The following PBX4 variants were observed in gnomAD, a reference collection of about 807,000 sequenced individuals.
PBX4 encodes the protein PBX homeobox 4, also known as pre-B-cell leukemia transcription factor 4.
A neutral mutation model predicts 35.1 loss-of-function variants in PBX4; 26 were observed. That is an observed-to-expected ratio of 0.74 (90% confidence interval 0.54 to 1.03). PBX4 has a LOEUF of 1.03. Ranked by LOEUF, PBX4 falls within the 50% of genes least tolerant of loss-of-function variation. The pLI, the probability that PBX4 is intolerant of heterozygous loss-of-function variation, is 0.00. For synonymous variants in PBX4, 199 were observed against 204.2 expected, an observed-to-expected ratio of 0.97 and a Z score of 0.22; for missense variants, 448 against 504.3, an observed-to-expected ratio of 0.89 and a Z score of 1.07.
chr19:19,583,124 C>T (rs958940274), intron 2 of PBX4, among the ~76,000 whole-genome samples: 7 of 151,964 alleles, frequency 4.6e-5, no homozygotes, highest in African/African-American at 1.7e-4. Flanking sequence ...TCAAGACCAA[C>T]CTGACCAACA....
chr19:19,606,403 T>C (rs1018828913), intron 1 of PBX4: 2 of 152,224 alleles, frequency 1.3e-5, no homozygotes, highest in African/African-American at 4.8e-5. Context: ...CCATCAACCA[T>C]GCGACACTGG....
At chr19:19,592,102 C>T (rs191070222) in intron 2 of PBX4, among the ~76,000 whole-genome samples, 2 of 151,970 alleles carry the variant, frequency 1.3e-5, no homozygotes, top group African/African-American at 4.8e-5. Context: ...AGGCTGGTCT[C>T]GAACTCCTGA....
rs529891475 is a variant in PBX4, at chr19:19,570,411, CG to C, written c.442-113del. 4.6e-4 allele frequency: 663 copies of C among 1,431,668 alleles called. 11 individuals carry two copies. The South Asian group carries it at 8.5e-3, about 18-fold the overall frequency. The allele number at this position is 1,431,668 out of a possible 1,614,324, so 88.7% of individuals were successfully genotyped here. On this transcript the variant is annotated intron_variant, in intron 3 of 7. Coordinates refer to ENST00000251203, the MANE Select transcript of PBX4 (RefSeq NM_025245.3). Reference sequence around the variant, plus strand: ...CCACCCCCTGTAGTTCACACACCGGCGGGTGACTGTTAAGTAAATGGAAAGG... The same window carrying C: ...CCACCCCCTGTAGTTCACACACCGGCGGTGACTGTTAAGTAAATGGAAAGG...
chr19:19,613,631 T>A (rs2061674407), intron 1 of PBX4, among the ~76,000 whole-genome samples: 1 of 152,110 alleles, frequency 6.6e-6, no homozygotes, highest in African/African-American at 2.4e-5. Context: ...AATATCCCGG[T>A]CTGGAAAGTA....
chr19:19,563,743 C>T lies in PBX4; in HGVS notation c.926-128G>A, dbSNP rs1167001794. On this transcript the variant is annotated intron_variant, in intron 6 of 7. Transcript: ENST00000251203. The surrounding 1 kb of genome is among the most constrained non-coding windows in gnomAD (Gnocchi z 5.1). ...CCTCCTCAGCATCCGGCCTCTGCTC[C>T]TCAGCCCCCACCCAGGCAGGCCAGC... 5.1e-6 allele frequency: 4 copies of T among 781,332 alleles called. No individual in the cohort carries two copies. In the Admixed American group the frequency reaches 8.2e-5, roughly 16 times the overall value. 48.4% of individuals were successfully genotyped at this position (781,332 alleles called of 1,614,324 possible).
At chr19:19,575,814 T>G (rs2061416113) in intron 2 of PBX4, among the ~76,000 whole-genome samples, 1 of 152,122 alleles carries the variant, frequency 6.6e-6, no homozygotes, top group Non-Finnish European at 1.5e-5. Flanking sequence ...CCCCTGAATC[T>G]TGTTCAACAG....
chr19:19,585,294 C>G (rs1031313972), intron 2 of PBX4, among the ~76,000 whole-genome samples: 6 of 151,842 alleles, frequency 4.0e-5, no homozygotes, highest in Non-Finnish European at 7.4e-5. Context: ...CACTATACTC[C>G]AGCCTGGGTG....
intron 2 of PBX4, among the ~76,000 whole-genome samples, chr19:19,575,142 CAGG>C (rs1298123455): frequency 2.0e-5 from 3 of 151,264 alleles, no homozygotes; most frequent in Non-Finnish European, 4.4e-5. Context: ...GAGGCTGAGG[CAGG>C]AGAATGGCGT....
At chr19:19,610,946 C>T (rs971614749) in intron 1 of PBX4, among the ~76,000 whole-genome samples, 2 of 152,094 alleles carry the variant, frequency 1.3e-5, no homozygotes, top group African/African-American at 4.8e-5. Context: ...ATATGAAATC[C>T]TACTTCCCAG....
Position 19,561,908 on chromosome 19 carries a change from TG to T in PBX4, c.*116del. The stretch of plus-strand genomic sequence containing the variant: ...GGCCTGGCTGAGGAGCAGGGGCTCA[TG>T]GGCACCACCACCCATCTGGGTTTTC... On this transcript the variant is annotated 3_prime_UTR_variant, in exon 8 of 8. Transcript: ENST00000251203. 1.2e-6 allele frequency: 1 copy of T among 809,956 alleles called. No homozygotes were observed. The highest frequency in any genetic ancestry group is 1.9e-6 in the Non-Finnish European group (1 of 527,746). 50.2% of individuals were successfully genotyped at this position (809,956 alleles called of 1,614,324 possible).
In PBX4 at chr19:19,562,166, G is replaced by A. The variant is rs1361068134; in HGVS notation, c.1033-49C>T. The A allele has an allele frequency of 6.9e-7, 1 of 1,458,014 alleles. No homozygotes were observed. Among genetic ancestry groups the A allele is most frequent in the Admixed American group, 1.9e-5 (1 of 51,714 alleles). 90.3% of individuals were successfully genotyped at this position (1,458,014 alleles called of 1,614,324 possible). A position where few individuals can be genotyped will look rare whatever the true frequency, so the allele number is the denominator to read the frequency against. ...CAGAGTGGGTGGCCGTGAGACTGGT[G>A]ACTACCCAGCCCACGTGCTGCAGGC... On this transcript the variant is annotated intron_variant, in intron 7 of 7. Transcript: ENST00000251203. The surrounding 1 kb of genome is among the most constrained non-coding windows in gnomAD (Gnocchi z 4.8).
rs138997109 is a variant in PBX4, at chr19:19,577,801, G to A, written c.194-6968C>T. Among the ~76,000 whole-genome samples the A allele has an allele frequency of 1.2e-4, 19 of 152,040 alleles. No homozygotes were observed. In the East Asian group the frequency reaches 3.5e-3, roughly 28 times the overall value. On this transcript the variant is annotated intron_variant, in intron 2 of 7. Coordinates refer to ENST00000251203, the MANE Select transcript of PBX4 (RefSeq NM_025245.3). Reference sequence around the variant, plus strand: ...TTGGAACTGTGAGGCAGAGGTTGCAGTGAGCTGAGATCGCGCCAGTGCACT... The same window carrying A: ...TTGGAACTGTGAGGCAGAGGTTGCAATGAGCTGAGATCGCGCCAGTGCACT...
chr19:19,566,239 C>A (rs755117517), intron 5 of PBX4, among the ~76,000 whole-genome samples: 1 of 152,170 alleles, frequency 6.6e-6, no homozygotes, highest in African/African-American at 2.4e-5. Context: ...ACTGCTGATG[C>A]TTGGGCTCCA....
chr19:19,575,415 G>A (rs987057356), intron 2 of PBX4, among the ~76,000 whole-genome samples: 3 of 152,026 alleles, frequency 2.0e-5, no homozygotes, highest in African/African-American at 7.2e-5. Flanking sequence ...GGTAAAGGCC[G>A]CTCCCAGAAT....
intron 2 of PBX4, among the ~76,000 whole-genome samples, chr19:19,577,194 CAAA>C (rs35798518): frequency 1.8e-4 from 18 of 100,398 alleles, no homozygotes; most frequent in Admixed American, 4.0e-4. Flanking sequence ...GACTCCATGT[CAAA>C]AAAAAAAAAA....
chr19:19,570,857 G>A lies in PBX4; in HGVS notation c.194-24C>T, dbSNP rs140516028. On this transcript the variant is annotated intron_variant, in intron 2 of 7. Coordinates refer to ENST00000251203, the MANE Select transcript of PBX4 (RefSeq NM_025245.3). ...CACTAGATAAGAGAGACCGGGACAA[G>A]TCACAATTCATTTTCTGGAGAGAAA... The A allele has an allele frequency of 2.7e-5, 43 of 1,604,642 alleles. No homozygotes were observed. The African/African-American group carries it at 4.3e-4, about 16-fold the overall frequency.
chr19:19,565,131 C>A, intron 5 of PBX4, 42 bp from the exon 6 acceptor site: 1 of 1,613,120 alleles, frequency 6.2e-7, no homozygotes, highest in Non-Finnish European at 8.5e-7. Flanking sequence ...GACCCAGCGA[C>A]TTCTGAGACA....
chr19:19,613,619 G>A (rs1032124189), intron 1 of PBX4, among the ~76,000 whole-genome samples: 7 of 152,102 alleles, frequency 4.6e-5, no homozygotes, highest in African/African-American at 1.7e-4. Flanking sequence ...CCCTTAAGCA[G>A]CAATATCCCG....
chr19:19,570,446 TA>T, intron 3 of PBX4, 139 bp downstream of exon 3: 1 of 1,442,792 alleles, frequency 6.9e-7, no homozygotes. Context: ...GGGCTTTCAG[TA>T]ACAATGGACC....
Sources: gnomAD v4.1 joint callset for allele counts (sites outside exome capture counted in the v4.1 genomes callset) on GRCh38, gnomAD v4.1.1 for gene constraint, Gnocchi (gnomAD v3.1) non-coding constraint, MANE v1.5 for transcripts, NCBI Gene and HGNC (gene_info 2026-07-23, HGNC 2026-07-21) for gene names.